The following CCDC192 variants were observed in gnomAD, a reference collection of about 807,000 sequenced individuals.
CCDC192 encodes the protein coiled-coil domain containing 192.
At chr5:127,747,398 T>C (rs1253404302) in intron 2 of CCDC192, among the ~76,000 whole-genome samples, 2 of 152,094 alleles carry the variant, frequency 1.3e-5, no homozygotes, top group African/African-American at 4.8e-5. Flanking sequence ...AGAATGATGG[T>C]TTCCAATTTC....
chr5:127,736,212 T>C (rs1752979187), intron 2 of CCDC192, among the ~76,000 whole-genome samples: 1 of 110,066 alleles, frequency 9.1e-6, no homozygotes, highest in Non-Finnish European at 1.9e-5. Context: ...TTTGGCTCTG[T>C]TTATATGCTG....
intron 5 of CCDC192, among the ~76,000 whole-genome samples, 182 bp downstream of exon 5, chr5:127,798,344 T>A (rs1017445982): frequency 1.3e-5 from 2 of 152,172 alleles, no homozygotes; most frequent in African/African-American, 4.8e-5. Context: ...CTGATTTTTG[T>A]GGATGACCAA....
intron 6 of CCDC192, among the ~76,000 whole-genome samples, chr5:127,934,928 A>G (rs986473025): frequency 2.0e-5 from 3 of 152,224 alleles, no homozygotes; most frequent in Admixed American, 6.5e-5. Flanking sequence ...GGGCATTTGT[A>G]CAGAGGAGGA....
At chr5:127,896,034 C>G (rs538937812) in intron 6 of CCDC192, among the ~76,000 whole-genome samples, 3 of 152,146 alleles carry the variant, frequency 2.0e-5, no homozygotes, top group East Asian at 3.9e-4. Flanking sequence ...ATTTAAGTCC[C>G]TAGGCCCTTT....
intron 2 of CCDC192, among the ~76,000 whole-genome samples, chr5:127,736,282 C>G (rs1472103731): frequency 7.3e-6 from 1 of 136,288 alleles, no homozygotes; most frequent in Non-Finnish European, 1.6e-5. Context: ...ATGAAGCCCA[C>G]TTGATCATGG....
intron 3 of CCDC192, among the ~76,000 whole-genome samples, chr5:127,762,048 A>G (rs1754962100): frequency 6.6e-6 from 1 of 151,192 alleles, no homozygotes; most frequent in African/African-American, 2.4e-5. Context: ...GATTATCCAA[A>G]AAATGCTCTG....
At chr5:127,778,766 CT>C (rs1184640862) in intron 3 of CCDC192, among the ~76,000 whole-genome samples, 3 of 151,384 alleles carry the variant, frequency 2.0e-5, no homozygotes, top group Non-Finnish European at 2.9e-5. Context: ...CTTTTCTTTT[CT>C]TTTTTTTAAA....
At chr5:127,852,684 CT>C (rs1291343853) in intron 5 of CCDC192, among the ~76,000 whole-genome samples, 1 of 152,218 alleles carries the variant, frequency 6.6e-6, no homozygotes, top group Non-Finnish European at 1.5e-5. Flanking sequence ...ACTTTGTAAG[CT>C]ACTAAAGATG....
At chr5:127,736,381 T>C (rs1752991226) in intron 2 of CCDC192, among the ~76,000 whole-genome samples, 1 of 150,852 alleles carries the variant, frequency 6.6e-6, no homozygotes, top group South Asian at 2.1e-4. Flanking sequence ...GATATTGGTC[T>C]AAAATTCTCT....
chr5:127,790,348 G>A (rs1319024593), intron 3 of CCDC192, among the ~76,000 whole-genome samples: 1 of 152,080 alleles, frequency 6.6e-6, no homozygotes, highest in Non-Finnish European at 1.5e-5. Context: ...ATATATCATA[G>A]TTGTACATAT....
At chr5:127,704,512 T>C (rs1489078797) in intron 1 of CCDC192, among the ~76,000 whole-genome samples, 1 of 152,152 alleles carries the variant, frequency 6.6e-6, no homozygotes, top group Non-Finnish European at 1.5e-5. Context: ...TTAAAATGTA[T>C]TTTCCTTATG....
At chr5:127,760,779 G>T (rs1754875841) in intron 3 of CCDC192, among the ~76,000 whole-genome samples, 1 of 149,262 alleles carries the variant, frequency 6.7e-6, no homozygotes, top group Non-Finnish European at 1.5e-5. Flanking sequence ...CCGTGTTATA[G>T]TTTGCAGAGA....
At chr5:127,773,483 T>C (rs1458712064) in intron 3 of CCDC192, among the ~76,000 whole-genome samples, 1 of 152,194 alleles carries the variant, frequency 6.6e-6, no homozygotes, top group Non-Finnish European at 1.5e-5. Context: ...TTTTCTGCCT[T>C]TATGGATTTA....
At chr5:127,873,187 T>A (rs1301983823) in intron 5 of CCDC192, among the ~76,000 whole-genome samples, 3 of 152,224 alleles carry the variant, frequency 2.0e-5, no homozygotes, top group Non-Finnish European at 4.4e-5. Flanking sequence ...TTATTTTTTC[T>A]TGTGTTTATT....
chr5:127,747,159 GGTTA>G (rs1222953963), intron 2 of CCDC192, among the ~76,000 whole-genome samples: 3 of 151,300 alleles, frequency 2.0e-5, no homozygotes, highest in Admixed American at 6.6e-5. Flanking sequence ...ACATTGTGCA[GGTTA>G]GTTACATACG....
chr5:127,865,047 T>C (rs1751547653), intron 5 of CCDC192, among the ~76,000 whole-genome samples: 1 of 152,130 alleles, frequency 6.6e-6, no homozygotes, highest in African/African-American at 2.4e-5. Context: ...CTTGGGAGGC[T>C]GAGGCAGGAG....
intron 5 of CCDC192, among the ~76,000 whole-genome samples, chr5:127,831,596 A>T (rs1030895416): frequency 6.6e-6 from 1 of 152,004 alleles, no homozygotes; most frequent in African/African-American, 2.4e-5. Context: ...TGGAGGTATT[A>T]ATCACTGGTT....
chr5:127,863,690 T>C (rs1419177877), intron 5 of CCDC192, among the ~76,000 whole-genome samples: 1 of 152,206 alleles, frequency 6.6e-6, no homozygotes, highest in Non-Finnish European at 1.5e-5. Context: ...AAAATTAACA[T>C]GGTACATTTT....
intron 6 of CCDC192, among the ~76,000 whole-genome samples, chr5:127,918,178 ACTTAC>A (rs1753582228): frequency 6.7e-6 from 1 of 150,370 alleles, no homozygotes; most frequent in Admixed American, 6.6e-5. Context: ...GCATTGGTAT[ACTTAC>A]CCAATGCAGG....
Sources: allele counts gnomAD v4.1 joint callset (sites outside exome capture counted in the v4.1 genomes callset), GRCh38; gene constraint gnomAD v4.1.1; transcripts MANE v1.5; gene names NCBI Gene and HGNC (gene_info 2026-07-23, HGNC 2026-07-21).